Variants in FRMPD4 observed in about 807,000 individuals in gnomAD.
FRMPD4 encodes FERM and PDZ domain-containing protein 4.
A neutral mutation model predicts 94.1 loss-of-function variants in FRMPD4; 22 were observed. The observed-to-expected ratio is 0.23, with a 90% confidence interval of 0.17 to 0.33. FRMPD4 has a LOEUF of 0.33. FRMPD4 is among the 10% of genes least tolerant of loss of function. The pLI, the probability that FRMPD4 is intolerant of heterozygous loss-of-function variation, is 1.00. For missense variants in FRMPD4, 1,111 were observed against 1,339.9 expected, an observed-to-expected ratio of 0.83 and a Z score of 2.67; for synonymous variants, 631 against 548.6, an observed-to-expected ratio of 1.15 and a Z score of -2.10.
At chrX:12,299,635 G>A (rs1204702674) in intron 1 of FRMPD4, among the ~76,000 whole-genome samples, 1 of 110,039 alleles carries the variant, frequency 9.1e-6, no homozygotes, top group East Asian at 2.8e-4. Flanking sequence ...GAACTTCCTA[G>A]TACTCCAGTT....
chrX:12,342,777 G>A (rs750947316), intron 1 of FRMPD4, among the ~76,000 whole-genome samples: 12 of 112,017 alleles, frequency 1.1e-4, no homozygotes, highest in African/African-American at 2.9e-4. Context: ...TTCATTTAGC[G>A]GATCTTGATG....
At chrX:12,666,684 G>A (rs1220534977) in intron 4 of FRMPD4, among the ~76,000 whole-genome samples, 1 of 111,699 alleles carries the variant, frequency 9.0e-6, no homozygotes, top group African/African-American at 3.3e-5. Context: ...TGACTACTGG[G>A]AAAATAACAA....
intron 1 of FRMPD4, among the ~76,000 whole-genome samples, chrX:12,168,162 G>C (rs1274735939): frequency 9.0e-6 from 1 of 111,630 alleles, no homozygotes; most frequent in Non-Finnish European, 1.9e-5. Flanking sequence ...TAAAGGTTTA[G>C]AGGAGGCAGA....
At chrX:12,013,164 T>G (rs1323221007) in intron 3 of FRMPD4, among the ~76,000 whole-genome samples, 1 of 111,891 alleles carries the variant, frequency 8.9e-6, no homozygotes, top group Non-Finnish European at 1.9e-5. Context: ...AACAAAAAAA[T>G]TAACTCTCTA....
intron 2 of FRMPD4, among the ~76,000 whole-genome samples, chrX:12,545,208 G>T (rs1473799752): frequency 9.1e-6 from 1 of 109,617 alleles, no homozygotes; most frequent in Admixed American, 9.8e-5. Flanking sequence ...GGACAGCTTC[G>T]AATGTGGCCC....
chrX:12,511,859 A>G (rs1243056896), intron 2 of FRMPD4, among the ~76,000 whole-genome samples: 1 of 112,879 alleles, frequency 8.9e-6, no homozygotes, highest in Non-Finnish European at 1.9e-5. Flanking sequence ...CAAATTGTCA[A>G]AAGTCAAAGA....
chrX:12,348,226 C>T (rs1874042), intron 1 of FRMPD4, among the ~76,000 whole-genome samples: 5,510 of 111,825 alleles, frequency 0.049, 326 homozygotes, highest in African/African-American at 0.16. Context: ...AGATTTTACA[C>T]TGATGAAGCT....
intron 1 of FRMPD4, among the ~76,000 whole-genome samples, chrX:12,166,633 C>T (rs1349025161): frequency 6.3e-5 from 7 of 111,515 alleles, no homozygotes; most frequent in South Asian, 7.6e-4. Flanking sequence ...ATGGTACCAG[C>T]TCCTCCTTGT....
At chrX:12,306,826 C>T (rs1157902626) in intron 1 of FRMPD4, among the ~76,000 whole-genome samples, 2 of 112,432 alleles carry the variant, frequency 1.8e-5, no homozygotes, top group Non-Finnish European at 3.8e-5. Context: ...CAGAATCTTC[C>T]AATGCAACAG....
chrX:12,546,235 C>T (rs1362805976), intron 2 of FRMPD4, among the ~76,000 whole-genome samples: 3 of 106,544 alleles, frequency 2.8e-5, no homozygotes, highest in African/African-American at 1.0e-4. Context: ...GGGTGGAGTG[C>T]GGTGGCGTGG....
intron 1 of FRMPD4, among the ~76,000 whole-genome samples, chrX:12,286,948 G>A (rs2054611181): frequency 8.9e-6 from 1 of 112,117 alleles, no homozygotes; most frequent in Non-Finnish European, 1.9e-5. Context: ...CTCTCTGGAG[G>A]CATCAATCCT....
At chrX:11,990,970 T>C (rs767260680) in intron 3 of FRMPD4, among the ~76,000 whole-genome samples, 3 of 111,685 alleles carry the variant, frequency 2.7e-5, no homozygotes, top group Non-Finnish European at 5.7e-5. Context: ...GGTATTTTTC[T>C]GGCCAGTGAA....
intron 1 of FRMPD4, among the ~76,000 whole-genome samples, chrX:12,199,584 A>G (rs1030555925): frequency 9.0e-6 from 1 of 111,368 alleles, no homozygotes; most frequent in Non-Finnish European, 1.9e-5. Context: ...CAGGTATGCA[A>G]TTTTGTTCAA....
intron 1 of FRMPD4, among the ~76,000 whole-genome samples, chrX:11,836,881 A>G (rs2053504038): frequency 8.9e-6 from 1 of 111,991 alleles, no homozygotes; most frequent in Admixed American, 9.5e-5. Context: ...TATTCTTATT[A>G]GGTTTTGAAA....
intron 1 of FRMPD4, among the ~76,000 whole-genome samples, chrX:12,476,622 A>G (rs2057602565): frequency 8.9e-6 from 1 of 112,143 alleles, no homozygotes; most frequent in African/African-American, 3.2e-5. Context: ...TTACAAGAAA[A>G]AAACAAACAA....
At chrX:11,885,856 G>T (rs1340135301) in intron 3 of FRMPD4, among the ~76,000 whole-genome samples, 1 of 111,822 alleles carries the variant, frequency 8.9e-6, no homozygotes. Context: ...CCCAAAAAGG[G>T]AATCTTAGCA....
At chrX:12,444,370 T>A (rs1404362664) in intron 1 of FRMPD4, among the ~76,000 whole-genome samples, 1 of 111,716 alleles carries the variant, frequency 9.0e-6, no homozygotes, top group Admixed American at 9.5e-5. Context: ...GTAAGCTCTA[T>A]GCAAAGAGGG....
chrX:12,503,797 T>A (rs1465125863), intron 2 of FRMPD4, among the ~76,000 whole-genome samples: 1 of 112,016 alleles, frequency 8.9e-6, no homozygotes, highest in Non-Finnish European at 1.9e-5. Context: ...CAGATATTAT[T>A]TGGTAGTTCT....
intron 3 of FRMPD4, among the ~76,000 whole-genome samples, chrX:12,122,381 G>C (rs982904824): frequency 7.1e-5 from 8 of 112,019 alleles, no homozygotes; most frequent in African/African-American, 2.6e-4. Context: ...CCATCTTATG[G>C]CTTCATCCTT....
Sources: gnomAD v4.1 joint callset for allele counts (sites outside exome capture counted in the v4.1 genomes callset) on GRCh38, gnomAD v4.1.1 for gene constraint, MANE v1.5 for transcripts, NCBI Gene and HGNC (gene_info 2026-07-23, HGNC 2026-07-21) for gene names.